The following GINS3 variants were observed in gnomAD, a reference collection of about 807,000 sequenced individuals.
GINS3 encodes the protein DNA replication complex GINS protein PSF3.
GINS3 carries 18 observed loss-of-function variants against 20.0 expected under a neutral mutation model. The observed-to-expected ratio is 0.90, with a 90% confidence interval of 0.62 to 1.33. The LOEUF (loss-of-function observed/expected upper bound fraction) is 1.33, where lower values mean the gene tolerates loss of function less well. Among genes scored for constraint, GINS3 ranks in the 40% most tolerant of loss-of-function variants. The pLI is 0.00. For synonymous variants in GINS3, 109 were observed against 107.0 expected, an observed-to-expected ratio of 1.02 and a Z score of -0.12; for missense variants, 254 against 273.6, an observed-to-expected ratio of 0.93 and a Z score of 0.51.
chr16:58,404,285 T>G, intron 2 of GINS3: 1 of 567,806 alleles, frequency 1.8e-6, no homozygotes, highest in Non-Finnish European at 3.2e-6. Flanking sequence ...AACAACTTAC[T>G]GGATTTTCAT....
chr16:58,397,372 A>G (rs1965890968), intron 1 of GINS3, among the ~76,000 whole-genome samples: 1 of 141,426 alleles, frequency 7.1e-6, no homozygotes, highest in Non-Finnish European at 1.5e-5. Flanking sequence ...CTGGGCAGCC[A>G]GGCAGAGAGG....
In GINS3 at chr16:58,404,708, A is replaced by G. The variant is rs1966005372; in HGVS notation, c.630A>G (p.Lys210=). ...SNLVQNYKKR[K]FTDMED is the part of the protein sequence containing the mutation. ...TCGTTCAGAATTACAAGAAGAGAAAATTCACTGATATGGAAGACTGAAAGC... is the reference window on the plus strand; with the variant it reads ...TCGTTCAGAATTACAAGAAGAGAAAGTTCACTGATATGGAAGACTGAAAGC... Residue 210 remains lysine (K), a synonymous_variant, in exon 3 of 3, where the codon AAA becomes AAG. Coordinates refer to ENST00000318129, the MANE Select transcript of GINS3 (RefSeq NM_022770.4). 1 of 1,613,622 alleles carries G rather than the reference A, an allele frequency of 6.2e-7. No individual in the cohort carries two copies. Among genetic ancestry groups the G allele is most frequent in the South Asian group, 1.1e-5 (1 of 91,024 alleles).
intron 1 of GINS3, among the ~76,000 whole-genome samples, chr16:58,401,920 T>G (rs531342304): frequency 6.8e-6 from 1 of 147,640 alleles, no homozygotes; most frequent in Non-Finnish European, 1.5e-5. Flanking sequence ...CTTGAATCTG[T>G]GGTTTGATAC....
chr16:58,401,049 A>C (rs1018598720), intron 1 of GINS3, among the ~76,000 whole-genome samples: 8 of 151,834 alleles, frequency 5.3e-5, no homozygotes, highest in African/African-American at 1.9e-4. Flanking sequence ...CCCTGAGCCC[A>C]TGTGATTTGC....
rs556695829 is a variant in GINS3 at position 58,396,302 on chromosome 16, C to T, written c.186+3515C>T. The stretch of plus-strand genomic sequence containing the variant: ...CTCCCTCCCGGACGGGGCGGCTGGC[C>T]GGGCAGAGGGGCTCCTCACTTACCA... On this transcript the variant is annotated intron_variant, in intron 1 of 2. Transcript: ENST00000318129. Among the ~76,000 whole-genome samples, 213 of 116,910 alleles carry T rather than the reference C, an allele frequency of 1.8e-3. 5 individuals carry two copies. Among genetic ancestry groups the T allele is most frequent in the African/African-American group, 6.2e-3 (180 of 28,842 alleles). 76.7% of individuals were successfully genotyped at this position (116,910 alleles called of 152,430 possible). A position where few individuals can be genotyped will look rare whatever the true frequency, so the allele number is the denominator to read the frequency against.
chr16:58,392,873 C>A, intron 1 of GINS3, 86 bp downstream of exon 1: 1 of 1,353,244 alleles, frequency 7.4e-7, no homozygotes, highest in Non-Finnish European at 9.9e-7. Context: ...TCGGGGCGCG[C>A]TGCCCTTTGG....
chr16:58,395,397 C>T (rs1965840510), intron 1 of GINS3, among the ~76,000 whole-genome samples: 1 of 149,330 alleles, frequency 6.7e-6, no homozygotes, highest in African/African-American at 2.5e-5. Context: ...GGCAGGGTCA[C>T]AGGACAATAG....
intron 1 of GINS3, among the ~76,000 whole-genome samples, chr16:58,401,136 T>C (rs999726790): frequency 8.5e-5 from 13 of 152,118 alleles, no homozygotes; most frequent in African/African-American, 3.1e-4. Flanking sequence ...CTGGTCTCGC[T>C]GACTTCAAGA....
At chr16:58,396,752 C>T (rs1327276354) in intron 1 of GINS3, among the ~76,000 whole-genome samples, 5 of 134,642 alleles carry the variant, frequency 3.7e-5, no homozygotes, top group South Asian at 4.7e-4. Context: ...GGCGGCTGGC[C>T]GGGCGGGGGG....
At position 58,404,664 on chromosome 16, in the gene GINS3, C is replaced by G. The variant is rs375223819; in HGVS notation, c.586C>G (p.Gln196Glu). 3 of 1,614,122 alleles carry G rather than the reference C, an allele frequency of 1.9e-6. No homozygotes were observed. In the Admixed American group the frequency reaches 5.0e-5, roughly 27 times the overall value. Residue 196 changes from glutamine (Q) to glutamate (E), a missense_variant, in exon 3 of 3, where the codon CAG becomes GAG. Coordinates refer to ENST00000318129, the MANE Select transcript of GINS3 (RefSeq NM_022770.4). ...GTGTTGGGAGAAGGGGCAGGCTTCT[C>G]AGATCACAGCTTCCAACCTCGTTCA... The part of the protein sequence containing the change: ...FQCWEKGQAS[Q>E]ITASNLVQNY...
chr16:58,397,247 G>C (rs961643213), intron 1 of GINS3, among the ~76,000 whole-genome samples: 1 of 151,518 alleles, frequency 6.6e-6, no homozygotes, highest in Admixed American at 6.6e-5. Context: ...CATCCCAGAC[G>C]GGGCAGCAGG....
intron 1 of GINS3, among the ~76,000 whole-genome samples, chr16:58,401,658 C>T (rs1204752615): frequency 6.6e-6 from 1 of 152,206 alleles, no homozygotes; most frequent in Admixed American, 6.5e-5. Context: ...AAAAGTTCTC[C>T]AAGTCCCCAC....
intron 1 of GINS3, among the ~76,000 whole-genome samples, chr16:58,401,754 CTT>C (rs1252362029): frequency 1.3e-5 from 2 of 152,212 alleles, no homozygotes; most frequent in African/African-American, 4.8e-5. Context: ...GGGTTTAACT[CTT>C]AATGTTCATT....
intron 1 of GINS3, among the ~76,000 whole-genome samples, chr16:58,397,821 GGGGAGAGGGAGAGGGAAA>G (rs1282650908): frequency 2.6e-5 from 4 of 151,704 alleles, no homozygotes; most frequent in Admixed American, 2.6e-4. Flanking sequence ...GGGAGACCGT[GGGGAGAGGGAGAGGGAAA>G]GGGAGAGGGA....
rs1268015741 is a variant in GINS3 at position 58,403,085 on chromosome 16, A to G, written c.187-13A>G. The G allele has an allele frequency of 3.1e-6, 5 of 1,606,296 alleles. No homozygotes were observed. Among genetic ancestry groups the G allele is most frequent in the Non-Finnish European group, 4.3e-6 (5 of 1,173,080 alleles). On this transcript the variant is annotated splice_polypyrimidine_tract_variant and intron_variant, in intron 1 of 2. Transcript: ENST00000318129. ...TTGTCTGTTTTTAAAATCTACATTCATGCATGCTGCAGGGTTCCAAGCTTG... is the reference window on the plus strand; with the variant it reads ...TTGTCTGTTTTTAAAATCTACATTCGTGCATGCTGCAGGGTTCCAAGCTTG...
At chr16:58,397,581 G>T (rs546524351) in intron 1 of GINS3, among the ~76,000 whole-genome samples, 2 of 152,274 alleles carry the variant, frequency 1.3e-5, no homozygotes, top group South Asian at 2.1e-4. Flanking sequence ...GAGGCTGGCG[G>T]ATCACTCGCG....
chr16:58,404,424 T>A lies in GINS3; in HGVS notation c.421-75T>A, dbSNP rs1169838875. 1.4e-5 allele frequency: 13 copies of A among 946,846 alleles called. No individual in the cohort carries two copies. The East Asian group carries it at 3.1e-4, about 23-fold the overall frequency. The allele number at this position is 946,846 out of a possible 1,614,324, so 58.7% of individuals were successfully genotyped here. A position where few individuals can be genotyped will look rare whatever the true frequency, so the allele number is the denominator to read the frequency against. The stretch of plus-strand genomic sequence containing the variant: ...TCTTTCTTTTCATGCCATTTAAATG[T>A]TCTGAGATAAAAATGGATATGACTT... On this transcript the variant is annotated intron_variant, in intron 2 of 2. Transcript: ENST00000318129.
chr16:58,392,804 G>A lies in GINS3; in HGVS notation c.186+17G>A. On this transcript the variant is annotated intron_variant, in intron 1 of 2. Coordinates refer to ENST00000318129, the MANE Select transcript of GINS3 (RefSeq NM_022770.4). The stretch of plus-strand genomic sequence containing the variant: ...GTCCCACAGGTGAGCCTTTGGGTGC[G>A]GGGTCCTGCCCGGAAAGACTGCAGC... The A allele has an allele frequency of 1.3e-6, 2 of 1,577,794 alleles. No individual in the cohort carries two copies. The highest frequency in any genetic ancestry group is 8.6e-7 in the Non-Finnish European group (1 of 1,164,686).
intron 1 of GINS3, among the ~76,000 whole-genome samples, chr16:58,397,747 G>T (rs535314896): frequency 2.0e-5 from 3 of 152,192 alleles, no homozygotes; most frequent in African/African-American, 7.2e-5. Flanking sequence ...AGTGAGCCGA[G>T]ATGGCAGCAG....
Sources: gnomAD v4.1 joint callset for allele counts (sites outside exome capture counted in the v4.1 genomes callset) on GRCh38, gnomAD v4.1.1 for gene constraint, MANE v1.5 for transcripts, NCBI Gene and HGNC (gene_info 2026-07-23, HGNC 2026-07-21) for gene names.